TYW1: variants seen among roughly 807,000 people sequenced by gnomAD.
TYW1 encodes the protein S-adenosyl-L-methionine-dependent tRNA 4-demethylwyosine synthase TYW1.
A neutral mutation model predicts 96.2 loss-of-function variants in TYW1; 46 were observed. The ratio of observed to expected loss-of-function variants is 0.48; its 90% confidence interval spans 0.38 to 0.61. TYW1 has a LOEUF of 0.61. TYW1 is among the 20% of genes least tolerant of loss of function. The pLI, the probability that TYW1 is intolerant of heterozygous loss-of-function variation, is 0.00. For synonymous variants in TYW1, 274 were observed against 323.0 expected, an observed-to-expected ratio of 0.85 and a Z score of 1.63; for missense variants, 684 against 909.6, an observed-to-expected ratio of 0.75 and a Z score of 3.19.
At chr7:67,220,185 TTTCA>T (rs894421337) in intron 15 of TYW1, among the ~76,000 whole-genome samples, 9 of 147,888 alleles carry the variant, frequency 6.1e-5, no homozygotes, top group African/African-American at 2.2e-4. Flanking sequence ...AATTTTTTAG[TTTCA>T]TTCATTTATT....
intron 14 of TYW1, among the ~76,000 whole-genome samples, chr7:67,193,115 G>A (rs1177764614): frequency 6.6e-6 from 1 of 152,178 alleles, no homozygotes; most frequent in African/African-American, 2.4e-5. Flanking sequence ...AGCAGAGGGA[G>A]TTTCAGCAGT....
intron 13 of TYW1, among the ~76,000 whole-genome samples, chr7:67,147,027 CT>C (rs1563039803): frequency 2.0e-5 from 3 of 152,162 alleles, no homozygotes; most frequent in Non-Finnish European, 4.4e-5. Context: ...CCATTTACAT[CT>C]TTTTAGCCAG....
At chr7:67,122,312 T>C (rs917309462) in intron 13 of TYW1, among the ~76,000 whole-genome samples, 2 of 152,242 alleles carry the variant, frequency 1.3e-5, no homozygotes, top group Admixed American at 1.3e-4. Flanking sequence ...TAATGGTTGT[T>C]CCATTGCTAC....
At chr7:67,077,219 A>G (rs1041350693) in intron 10 of TYW1, among the ~76,000 whole-genome samples, 9 of 152,230 alleles carry the variant, frequency 5.9e-5, no homozygotes, top group Non-Finnish European at 1.2e-4. Flanking sequence ...GAATGCAGCT[A>G]TGTCTTCAAC....
chr7:67,041,249 A>G (rs1795009147), intron 7 of TYW1, among the ~76,000 whole-genome samples: 1 of 152,088 alleles, frequency 6.6e-6, no homozygotes, highest in Non-Finnish European at 1.5e-5. Context: ...TAAACTTGGC[A>G]TTGGAGGTTT....
intron 7 of TYW1, among the ~76,000 whole-genome samples, chr7:67,030,428 G>A (rs11768082): frequency 0.11 from 16,365 of 151,636 alleles, 868 homozygotes; most frequent in Middle Eastern, 0.15. Context: ...TCACGAGTTC[G>A]AGACCAGCCT....
At chr7:67,180,846 G>A (rs181906428) in intron 13 of TYW1, among the ~76,000 whole-genome samples, 9 of 152,050 alleles carry the variant, frequency 5.9e-5, no homozygotes, top group Non-Finnish European at 1.2e-4. Flanking sequence ...GTTTCACCAC[G>A]TTGACCAGGC....
chr7:67,160,862 G>A (rs1799141703), intron 13 of TYW1, among the ~76,000 whole-genome samples: 1 of 151,918 alleles, frequency 6.6e-6, no homozygotes, highest in African/African-American at 2.4e-5. Context: ...AGAGTGCTGG[G>A]ATTAGAGGCG....
chr7:67,175,897 G>A (rs1286233530), intron 13 of TYW1, among the ~76,000 whole-genome samples: 2 of 152,116 alleles, frequency 1.3e-5, no homozygotes, highest in Non-Finnish European at 2.9e-5. Flanking sequence ...ATTTAACATG[G>A]AATCAAAGTT....
intron 15 of TYW1, among the ~76,000 whole-genome samples, chr7:67,202,036 T>C (rs1349552474): frequency 1.3e-5 from 2 of 152,228 alleles, no homozygotes; most frequent in African/African-American, 2.4e-5. Flanking sequence ...CTGTTCCCAC[T>C]GCTTGGGAAC....
chr7:67,106,416 C>T (rs2686975), intron 12 of TYW1, among the ~76,000 whole-genome samples: 15,939 of 151,636 alleles, frequency 0.11, 893 homozygotes, highest in Middle Eastern at 0.15. Flanking sequence ...CGATGGAAGA[C>T]TCCATAGAGT....
intron 13 of TYW1, among the ~76,000 whole-genome samples, chr7:67,124,464 C>G (rs893804305): frequency 1.2e-4 from 18 of 151,748 alleles, no homozygotes; most frequent in Non-Finnish European, 2.4e-4. Context: ...TTCCTGGTTT[C>G]AAGTGATCCT....
chr7:67,021,213 A>C (rs1375088441), intron 6 of TYW1, among the ~76,000 whole-genome samples: 1 of 152,282 alleles, frequency 6.6e-6, no homozygotes, highest in Admixed American at 6.5e-5. Context: ...TGAGTGAGCT[A>C]TTGAAGTGCA....
chr7:67,211,326 C>T (rs1801014188), intron 15 of TYW1, among the ~76,000 whole-genome samples: 1 of 152,130 alleles, frequency 6.6e-6, no homozygotes, highest in Non-Finnish European at 1.5e-5. Context: ...TCAGTGGAAA[C>T]TGTACGTATG....
chr7:67,186,693 A>G (rs567785689), intron 14 of TYW1, among the ~76,000 whole-genome samples: 3 of 152,174 alleles, frequency 2.0e-5, no homozygotes, highest in South Asian at 2.1e-4. Context: ...GGGTCTCACT[A>G]TGTTGCCCAG....
intron 3 of TYW1, among the ~76,000 whole-genome samples, chr7:67,008,715 T>TA (rs1793686336): frequency 6.6e-6 from 1 of 152,180 alleles, no homozygotes; most frequent in African/African-American, 2.4e-5. Context: ...CAGACTGGAG[T>TA]GCAATGGTGC....
intron 4 of TYW1, among the ~76,000 whole-genome samples, chr7:67,011,329 C>T (rs1296600783): frequency 4.6e-5 from 7 of 152,244 alleles, no homozygotes; most frequent in South Asian, 4.1e-4. Context: ...TGAGCCACTG[C>T]GCCCAGGCGC....
chr7:67,070,336 T>C (rs1191192697), intron 10 of TYW1, among the ~76,000 whole-genome samples: 6 of 152,218 alleles, frequency 3.9e-5, no homozygotes, highest in Non-Finnish European at 5.9e-5. Flanking sequence ...TTCCTTCTTA[T>C]CTCCTTCTGG....
rs1160932837 is a variant in TYW1, at chr7:67,028,322, T to C, written c.984+3300T>C. Reference sequence around the variant, plus strand: ...CCACACTTTGAGAGGCCAAGGCAGGTGGATCACTTGAGGTCAGGAGTTCGA... The same window carrying C: ...CCACACTTTGAGAGGCCAAGGCAGGCGGATCACTTGAGGTCAGGAGTTCGA... On this transcript the variant is annotated intron_variant, in intron 7 of 15. Coordinates refer to ENST00000359626, the MANE Select transcript of TYW1 (RefSeq NM_018264.4). 3.3e-5 allele frequency among the ~76,000 whole-genome samples: 5 copies of C among 150,946 alleles called. No homozygotes were observed. The South Asian group carries it at 1.0e-3, about 32-fold the overall frequency.
Sources: gnomAD v4.1 joint callset for allele counts (sites outside exome capture counted in the v4.1 genomes callset) on GRCh38, gnomAD v4.1.1 for gene constraint, MANE v1.5 for transcripts, NCBI Gene and HGNC (gene_info 2026-07-23, HGNC 2026-07-21) for gene names.